Variants in B3GALT1 observed in about 807,000 individuals in gnomAD.
B3GALT1 encodes the protein beta-1,3-galactosyltransferase 1.
In B3GALT1, 10 loss-of-function variants were observed where a neutral mutation model predicts 23.2. That is an observed-to-expected ratio of 0.43 (90% CI 0.27 to 0.73). B3GALT1 has a LOEUF of 0.73. Among genes scored for constraint, B3GALT1 ranks in the 30% least tolerant of loss-of-function variants. The pLI, the probability that B3GALT1 is intolerant of heterozygous loss-of-function variation, is 0.21. For missense variants in B3GALT1, 299 were observed against 405.4 expected, an observed-to-expected ratio of 0.74 and a Z score of 2.25; for synonymous variants, 156 against 141.5, an observed-to-expected ratio of 1.10 and a Z score of -0.73.
intron 1 of B3GALT1, among the ~76,000 whole-genome samples, chr2:167,327,067 A>G (rs1326327374): frequency 6.6e-6 from 1 of 152,064 alleles, no homozygotes; most frequent in Admixed American, 6.6e-5. Context: ...GGTTTGCTAT[A>G]AATATGTAGA....
At chr2:167,702,469 C>T (rs1044049452) in intron 3 of B3GALT1, among the ~76,000 whole-genome samples, 1 of 152,144 alleles carries the variant, frequency 6.6e-6, no homozygotes, top group Middle Eastern at 3.4e-3. Context: ...ATGAAATAGT[C>T]ATTGGTTTGT....
chr2:167,548,572 C>T (rs796122821), intron 2 of B3GALT1, among the ~76,000 whole-genome samples: 4 of 152,096 alleles, frequency 2.6e-5, no homozygotes, highest in South Asian at 2.1e-4. Context: ...TAGCAGCCAT[C>T]GTGGACAATG....
chr2:167,812,501 T>C (rs1455289530), intron 3 of B3GALT1, among the ~76,000 whole-genome samples: 2 of 152,332 alleles, frequency 1.3e-5, no homozygotes, highest in East Asian at 3.9e-4. Flanking sequence ...TTATCTAGGC[T>C]AAAATTTTAT....
chr2:167,385,597 T>TG (rs5836139), intron 1 of B3GALT1, among the ~76,000 whole-genome samples: 119,624 of 152,078 alleles, frequency 0.79, 49,696 homozygotes, highest in East Asian at 0.92. Context: ...TAGCTTTCAC[T>TG]AATAACTTGC....
At chr2:167,843,933 A>G (rs1689703697) in intron 4 of B3GALT1, among the ~76,000 whole-genome samples, 1 of 152,232 alleles carries the variant, frequency 6.6e-6, no homozygotes, top group African/African-American at 2.4e-5. Flanking sequence ...TTCTAGGACA[A>G]GGCTTTATAG....
chr2:167,596,871 G>A (rs1456790239), intron 2 of B3GALT1, among the ~76,000 whole-genome samples: 1 of 152,166 alleles, frequency 6.6e-6, no homozygotes, highest in Non-Finnish European at 1.5e-5. Flanking sequence ...AATGGCATAA[G>A]TAGAAATTTT....
intron 1 of B3GALT1, among the ~76,000 whole-genome samples, chr2:167,423,401 T>C (rs1300475478): frequency 1.3e-5 from 2 of 152,166 alleles, no homozygotes; most frequent in Non-Finnish European, 2.9e-5. Flanking sequence ...ACAGATTGTT[T>C]GAAAGGGCCT....
chr2:167,611,330 T>C (rs909906834), intron 2 of B3GALT1, among the ~76,000 whole-genome samples: 1 of 151,988 alleles, frequency 6.6e-6, no homozygotes, highest in Non-Finnish European at 1.5e-5. Context: ...AACTGAGCTT[T>C]TTACAATATA....
intron 3 of B3GALT1, among the ~76,000 whole-genome samples, chr2:167,680,897 C>T (rs1025430206): frequency 2.6e-5 from 4 of 151,960 alleles, no homozygotes; most frequent in Non-Finnish European, 4.4e-5. Flanking sequence ...AAATCTGATC[C>T]GATATCAGAA....
intron 3 of B3GALT1, among the ~76,000 whole-genome samples, chr2:167,729,028 C>A (rs577358984): frequency 6.6e-6 from 1 of 152,264 alleles, no homozygotes; most frequent in East Asian, 1.9e-4. Context: ...CCCATTAAGT[C>A]ATGATCACCT....
chr2:167,688,505 A>G (rs1686653446), intron 3 of B3GALT1, among the ~76,000 whole-genome samples: 1 of 152,176 alleles, frequency 6.6e-6, no homozygotes, highest in African/African-American at 2.4e-5. Context: ...GAAAAATACA[A>G]TAATGAAATT....
intron 2 of B3GALT1, among the ~76,000 whole-genome samples, chr2:167,560,574 A>G (rs1261234240): frequency 6.6e-6 from 1 of 152,162 alleles, no homozygotes; most frequent in East Asian, 1.9e-4. Flanking sequence ...TCATGTGCAG[A>G]GACACACATA....
At chr2:167,339,689 C>A (rs1208113993) in intron 1 of B3GALT1, among the ~76,000 whole-genome samples, 1 of 151,740 alleles carries the variant, frequency 6.6e-6, no homozygotes, top group Non-Finnish European at 1.5e-5. Flanking sequence ...GTTAGGTAAC[C>A]GAAATTGAAA....
chr2:167,346,745 T>TGTGTGG lies in B3GALT1; in HGVS notation c.-511+53412_-511+53413insTGTGGG, dbSNP rs1383266302. 2.8e-3 allele frequency among the ~76,000 whole-genome samples: 101 copies of TGTGTGG among 35,540 alleles called. 1 individual carries two copies. In the East Asian group the frequency reaches 0.033, roughly 12 times the overall value. 23.3% of individuals were successfully genotyped at this position (35,540 alleles called of 152,430 possible). A position where few individuals can be genotyped will look rare whatever the true frequency, so the allele number is the denominator to read the frequency against. ...AATTTCTGAGTTGTTTGTGTGTGTG[T>TGTGTGG]GGGGGGGGGGTGGTGCGTGTGTGTG... On this transcript the variant is annotated intron_variant, in intron 1 of 4. Transcript: ENST00000392690.
chr2:167,449,539 A>T (rs1370786464), intron 1 of B3GALT1, among the ~76,000 whole-genome samples: 1 of 152,212 alleles, frequency 6.6e-6, no homozygotes, highest in Non-Finnish European at 1.5e-5. Flanking sequence ...ATCATCAGCA[A>T]ACAGCAGCAG....
At chr2:167,700,474 A>G (rs1439910398) in intron 3 of B3GALT1, among the ~76,000 whole-genome samples, 2 of 152,154 alleles carry the variant, frequency 1.3e-5, no homozygotes, top group African/African-American at 4.8e-5. Context: ...TGGAACATCA[A>G]TTTTGGGAAC....
chr2:167,748,035 C>A (rs1398164420), intron 3 of B3GALT1, among the ~76,000 whole-genome samples: 1 of 152,076 alleles, frequency 6.6e-6, no homozygotes, highest in Non-Finnish European at 1.5e-5. Flanking sequence ...TTACTGCCAG[C>A]ATTCTGGGGA....
At chr2:167,721,341 G>A (rs1687229830) in intron 3 of B3GALT1, among the ~76,000 whole-genome samples, 1 of 152,212 alleles carries the variant, frequency 6.6e-6, no homozygotes, top group Non-Finnish European at 1.5e-5. Context: ...AGCAATTGAA[G>A]CAGTGCAGAA....
intron 2 of B3GALT1, among the ~76,000 whole-genome samples, chr2:167,526,472 T>G (rs1021178375): frequency 6.6e-6 from 1 of 152,208 alleles, no homozygotes; most frequent in Non-Finnish European, 1.5e-5. Context: ...TATCAACCCC[T>G]GTATGAGGCT....
Sources: allele counts gnomAD v4.1 joint callset (sites outside exome capture counted in the v4.1 genomes callset), GRCh38; gene constraint gnomAD v4.1.1; transcripts MANE v1.5; gene names NCBI Gene and HGNC (gene_info 2026-07-23, HGNC 2026-07-21).